GPRC5C: variants seen among roughly 807,000 people sequenced by gnomAD.
GPRC5C encodes the protein G protein-coupled receptor class C group 5 member C.
Under a neutral mutation model 31.4 loss-of-function variants are expected in GPRC5C, and 22 were observed. The observed-to-expected ratio is 0.70, with a 90% CI of 0.50 to 1.00. The LOEUF is 1.00. Among genes scored for constraint, GPRC5C ranks in the 50% least tolerant of loss-of-function variants. The pLI, the probability that GPRC5C is intolerant of heterozygous loss-of-function variation, is 0.00. For missense variants in GPRC5C, 557 were observed against 597.2 expected, an observed-to-expected ratio of 0.93 and a Z score of 0.70; for synonymous variants, 249 against 257.5, an observed-to-expected ratio of 0.97 and a Z score of 0.32.
intron 1 of GPRC5C, 90 bp from the exon 2 acceptor site, chr17:74,439,655 T>C (rs1454793382): frequency 5.9e-5 from 74 of 1,243,876 alleles, no homozygotes; most frequent in Non-Finnish European, 7.8e-5. Context: ...TAGCACTATC[T>C]GCCTGGGTTT....
At chr17:74,436,763 C>G (rs539462014) in intron 1 of GPRC5C, among the ~76,000 whole-genome samples, 2 of 152,156 alleles carry the variant, frequency 1.3e-5, no homozygotes, top group South Asian at 4.1e-4. Flanking sequence ...GTCTAAGTGG[C>G]AGTTCTGAGG....
At chr17:74,438,445 G>C (rs946194064) in intron 1 of GPRC5C, among the ~76,000 whole-genome samples, 12 of 151,736 alleles carry the variant, frequency 7.9e-5, no homozygotes, top group Non-Finnish European at 1.5e-4. Flanking sequence ...ATTTTTAGTA[G>C]AGACGGGGTT....
chr17:74,433,593 G>C (rs1026351522), intron 1 of GPRC5C: 2 of 858,928 alleles, frequency 2.3e-6, no homozygotes, highest in Non-Finnish European at 4.0e-6. Flanking sequence ...GGGAGAGACC[G>C]ATAGGAGTGG....
In GPRC5C at chr17:74,440,695, A is replaced by C. The variant is rs564838294; in HGVS notation, c.919A>C (p.Ser307Arg). 4 of 1,608,072 alleles carry C rather than the reference A, an allele frequency of 2.5e-6. No homozygotes were observed. The South Asian group carries it at 4.4e-5, about 18-fold the overall frequency. The change falls in exon 2 of 4, where the codon AGC (serine) becomes CGC (arginine). Residue 307 changes from serine (S) to arginine (R), a missense_variant. Physicochemically the swap from Ser to Arg is moderately radical, Grantham distance 110. Transcript: ENST00000392627. This position sits in a 1 kb window ranked among gnomAD's most constrained non-coding sequence, Gnocchi z 4.4. Reference sequence around the variant, plus strand: ...CGAGGTCTCCCAGGTGACCAAGTCCAGCCCAGAGCAAAGCTACCAGGGGGA... The same window carrying C: ...CGAGGTCTCCCAGGTGACCAAGTCCCGCCCAGAGCAAAGCTACCAGGGGGA... The part of the protein sequence containing the change: ...IPEVSQVTKS[S>R]PEQSYQGDMY...
intron 3 of GPRC5C, among the ~76,000 whole-genome samples, chr17:74,444,179 G>A (rs961993278): frequency 2.0e-5 from 3 of 152,202 alleles, no homozygotes; most frequent in South Asian, 2.1e-4. Context: ...AGGTTGTGTC[G>A]GGATGCTATA....
At position 74,440,443 on chromosome 17, in the gene GPRC5C, G is replaced by T. The variant is rs780065653; in HGVS notation, c.667G>T (p.Ala223Ser). 2 of 1,613,940 alleles carry T rather than the reference G, an allele frequency of 1.2e-6. No homozygotes were observed. The highest frequency in any genetic ancestry group is 1.7e-5 in the Admixed American group (1 of 60,026). The change falls in exon 2 of 4, where the codon GCC becomes TCC. Residue 223 changes from alanine (A) to serine (S), a missense_variant. Coordinates refer to ENST00000392627, the MANE Select transcript of GPRC5C (RefSeq NM_022036.4). The surrounding 1 kb of genome is among the most constrained non-coding windows in gnomAD (Gnocchi z 4.4). ...CTACGTCATGCTGCTGCTGCTGGGT[G>T]CCTTCCTGGGGGCCTGGCCCGCCCT... ...LIYVMLLLLGAFLGAWPALCG... is the reference protein window; with the variant it reads ...LIYVMLLLLGSFLGAWPALCG...
chr17:74,448,785 A>C (rs1477134916), downstream of GPRC5C: 1 of 858,686 alleles, frequency 1.2e-6, no homozygotes, highest in Non-Finnish European at 1.7e-6. Context: ...TTGGGGTGAG[A>C]CAGGGCCTCA....
intron 1 of GPRC5C, chr17:74,433,683 CTG>C: frequency 6.2e-7 from 1 of 1,606,080 alleles, no homozygotes. Context: ...GGCAAGTGCT[CTG>C]TGGTATCCCT....
In GPRC5C at chr17:74,446,510, G is replaced by A. The variant is rs1357574260; in HGVS notation, c.1147-339G>A. The A allele has an allele frequency of 1.8e-5, 4 of 224,194 alleles. No individual in the cohort carries two copies. In the Admixed American group the frequency reaches 2.2e-4, roughly 12 times the overall value. 13.9% of individuals were successfully genotyped at this position (224,194 alleles called of 1,614,324 possible). A position where few individuals can be genotyped will look rare whatever the true frequency, so the allele number is the denominator to read the frequency against. ...GCCTGGGAGCTATGTCAGACAGGTA[G>A]TAGCAGCTCTGTGTGGCTGACTCTC... On this transcript the variant is annotated intron_variant, in intron 3 of 3. Coordinates refer to ENST00000392627, the MANE Select transcript of GPRC5C (RefSeq NM_022036.4).
At chr17:74,435,434 A>T (rs138737678) in intron 1 of GPRC5C, among the ~76,000 whole-genome samples, 1 of 152,192 alleles carries the variant, frequency 6.6e-6, no homozygotes, top group Non-Finnish European at 1.5e-5. Context: ...GAGAAATAAG[A>T]TATTTCAGGA....
At chr17:74,448,333 A>G (rs139457046), downstream of GPRC5C, among the ~76,000 whole-genome samples, 32 of 152,304 alleles carry the variant, frequency 2.1e-4, no homozygotes, top group East Asian at 6.2e-3. Flanking sequence ...CGGTACTTAT[A>G]CTAAGCAAAA....
chr17:74,440,307 C>T lies in GPRC5C; in HGVS notation c.531C>T (p.Ile177=), dbSNP rs1173014440. Residue 177 remains isoleucine (I), a synonymous_variant, in exon 2 of 4, where the codon ATC becomes ATT. Coordinates refer to ENST00000392627, the MANE Select transcript of GPRC5C (RefSeq NM_022036.4). This position sits in a 1 kb window ranked among gnomAD's most constrained non-coding sequence, Gnocchi z 4.4. ...TCATCAATACAGAGTGGCTGATCAT[C>T]ACCCTGGTTCGGGGCAGTGGCGAGG... The part of the protein sequence containing the change: ...EVIINTEWLI[I]TLVRGSGEGG... The T allele has an allele frequency of 6.2e-7, 1 of 1,614,208 alleles. No homozygotes were observed. The highest frequency in any genetic ancestry group is 8.5e-7 in the Non-Finnish European group (1 of 1,180,030).
chr17:74,437,903 C>A (rs2055457862), intron 1 of GPRC5C, among the ~76,000 whole-genome samples: 1 of 152,016 alleles, frequency 6.6e-6, no homozygotes, highest in Admixed American at 6.6e-5. Context: ...CCAGAGAGTT[C>A]CTGATGAAGC....
downstream of GPRC5C, chr17:74,451,242 G>A (rs1031697080): frequency 1.3e-5 from 2 of 152,160 alleles, no homozygotes; most frequent in African/African-American, 4.8e-5. Flanking sequence ...TCCCCGGCAG[G>A]GCCTGATACC....
Position 74,432,148 on chromosome 17 carries a change from C to G in GPRC5C, c.-33+7C>G. The G allele has an allele frequency of 6.2e-7, 1 of 1,610,632 alleles. No homozygotes were observed. Among genetic ancestry groups the G allele is most frequent in the Non-Finnish European group, 8.5e-7 (1 of 1,178,598 alleles). ...GAGTCGGCTCAGCCTGGAGGTGAGT[C>G]GGGGCGGGGAGGGCCGGGCAGGCTT... is the stretch of plus-strand genomic sequence containing the variant. On this transcript the variant is annotated splice_region_variant and intron_variant, in intron 1 of 3. Coordinates refer to ENST00000392627, the MANE Select transcript of GPRC5C (RefSeq NM_022036.4).
chr17:74,443,917 G>A lies in GPRC5C; in HGVS notation c.1146+5G>A. On this transcript the variant is annotated splice_donor_5th_base_variant and intron_variant, in intron 3 of 3. Transcript: ENST00000392627. ...GCCCTGATGCACAAAGTTCCGGTAA[G>A]TGGGTTCCCCAGGTCCCCGTGACAC... is the stretch of plus-strand genomic sequence containing the variant. 1 of 1,596,664 alleles carries A rather than the reference G, an allele frequency of 6.3e-7. No individual in the cohort carries two copies. Among genetic ancestry groups the A allele is most frequent in the Non-Finnish European group, 8.6e-7 (1 of 1,164,484 alleles).
intron 1 of GPRC5C, among the ~76,000 whole-genome samples, chr17:74,433,328 T>A (rs971442848): frequency 3.9e-5 from 6 of 152,036 alleles, no homozygotes; most frequent in African/African-American, 1.5e-4. Flanking sequence ...GAGCAGACCC[T>A]TGAAGATTTC....
Position 74,440,583 on chromosome 17 carries a change from G to C in GPRC5C, c.807G>C (p.Gln269His), listed in dbSNP as rs370432099. 139 of 1,614,114 alleles carry C rather than the reference G, an allele frequency of 8.6e-5. No individual in the cohort carries two copies. In the Admixed American group the frequency reaches 2.0e-3, roughly 24 times the overall value. The change falls in exon 2 of 4, where the codon CAG (glutamine) becomes CAC (histidine). Residue 269 changes from glutamine (Q) to histidine (H), a missense_variant. Gln to His is a conservative substitution (Grantham distance 24, BLOSUM62 0). Coordinates refer to ENST00000392627, the MANE Select transcript of GPRC5C (RefSeq NM_022036.4). The surrounding 1 kb of genome is among the most constrained non-coding windows in gnomAD (Gnocchi z 4.4). ...TCATGTATACTTACGGCAACAAGCA[G>C]CACAACAGTCCCACCTGGGATGACC... ...WIVMYTYGNK[Q>H]HNSPTWDDPT...
In GPRC5C at chr17:74,440,334, C is replaced by T. The variant is rs139447995; in HGVS notation, c.558C>T (p.Gly186=). The stretch of plus-strand genomic sequence containing the variant: ...CCCTGGTTCGGGGCAGTGGCGAGGG[C>T]GGCCCTCAGGGCAACAGCAGCGCAG... ...IITLVRGSGE[G]GPQGNSSAGW... The change falls in exon 2 of 4, where the codon GGC becomes GGT. Residue 186 remains glycine (G), a synonymous_variant. Transcript: ENST00000392627. The surrounding 1 kb of genome is among the most constrained non-coding windows in gnomAD (Gnocchi z 4.4). The T allele has an allele frequency of 2.8e-5, 46 of 1,614,038 alleles. No homozygotes were observed. The East Asian group carries it at 4.2e-4, about 15-fold the overall frequency.
Sources: allele counts gnomAD v4.1 joint callset (sites outside exome capture counted in the v4.1 genomes callset), GRCh38; gene constraint gnomAD v4.1.1; non-coding constraint Gnocchi (gnomAD v3.1); transcripts MANE v1.5; gene names NCBI Gene and HGNC (gene_info 2026-07-23, HGNC 2026-07-21).